The following CMSS1 variants were observed in gnomAD, a reference collection of about 807,000 sequenced individuals.
CMSS1 encodes protein CMSS1.
A neutral mutation model predicts 43.5 loss-of-function variants in CMSS1; 33 were observed. The observed-to-expected ratio is 0.76, with a 90% CI of 0.57 to 1.01. The LOEUF (loss-of-function observed/expected upper bound fraction) is 1.01. CMSS1 is among the 50% of genes least tolerant of loss of function. The pLI is 0.00. For missense variants in CMSS1, 313 were observed against 326.4 expected (o/e 0.96, Z 0.32); for synonymous variants, 115 against 117.2 (o/e 0.98, Z 0.12).
intron 1 of CMSS1, among the ~76,000 whole-genome samples, chr3:100,015,995 T>C (rs562523293): frequency 4.3e-4 from 66 of 152,334 alleles, no homozygotes; most frequent in African/African-American, 1.5e-3. Context: ...CTAAAATATT[T>C]TCATTGCTTT....
At chr3:100,053,313 A>C (rs2065405317) in intron 1 of CMSS1, among the ~76,000 whole-genome samples, 1 of 152,204 alleles carries the variant, frequency 6.6e-6, no homozygotes, top group Non-Finnish European at 1.5e-5. Flanking sequence ...TCAAAGTGTC[A>C]GCAGGGCTAT....
At chr3:99,839,934 C>T (rs1200282570) in intron 1 of CMSS1, among the ~76,000 whole-genome samples, 6 of 152,130 alleles carry the variant, frequency 3.9e-5, no homozygotes, top group African/African-American at 1.4e-4. Context: ...CTTATAGAGT[C>T]ACTTGGTCCA....
At chr3:100,147,933 C>T (rs1365883520) in intron 2 of CMSS1, among the ~76,000 whole-genome samples, 3 of 152,210 alleles carry the variant, frequency 2.0e-5, no homozygotes. Flanking sequence ...ATGCCACTCA[C>T]ATCCATTTGT....
intron 5 of CMSS1, 52 bp downstream of exon 5, chr3:100,166,446 G>A (rs560667459): frequency 7.9e-7 from 1 of 1,265,350 alleles, no homozygotes; most frequent in African/African-American, 1.5e-5. Context: ...TTTTGCTCTG[G>A]TTTTGGGAAT....
intron 1 of CMSS1, among the ~76,000 whole-genome samples, chr3:100,047,388 A>G (rs2065294507): frequency 6.6e-6 from 1 of 151,898 alleles, no homozygotes; most frequent in Non-Finnish European, 1.5e-5. Flanking sequence ...ATTAATGACA[A>G]CTCTCCTCTT....
chr3:99,938,094 C>A (rs573314700), intron 1 of CMSS1, among the ~76,000 whole-genome samples: 1 of 152,046 alleles, frequency 6.6e-6, no homozygotes, highest in South Asian at 2.1e-4. Context: ...CGCGCGCGTG[C>A]ATGCACACTC....
intron 1 of CMSS1, among the ~76,000 whole-genome samples, chr3:99,912,023 T>G (rs1264779329): frequency 6.6e-6 from 1 of 152,216 alleles, no homozygotes; most frequent in Non-Finnish European, 1.5e-5. Context: ...GTTTTAATTT[T>G]TAGAGTGTTA....
In CMSS1 at chr3:100,080,397, C is replaced by G. The variant is rs78230141; in HGVS notation, c.65-66576C>G. Reference sequence around the variant, plus strand: ...ATCCCTTTACAGAGGGTTTCTCAGACTTTAGTGAGCATAACAATCACCCAG... The same window carrying G: ...ATCCCTTTACAGAGGGTTTCTCAGAGTTTAGTGAGCATAACAATCACCCAG... On this transcript the variant is annotated intron_variant, in intron 1 of 9. Transcript: ENST00000421999. Among the ~76,000 whole-genome samples, 17 of 152,262 alleles carry G rather than the reference C, an allele frequency of 1.1e-4. 1 individual carries two copies. In the East Asian group the frequency reaches 3.1e-3, roughly 28 times the overall value.
chr3:100,066,383 G>A (rs76110559), intron 1 of CMSS1, among the ~76,000 whole-genome samples: 2,590 of 152,186 alleles, frequency 0.017, 32 homozygotes, highest in Non-Finnish European at 0.028. Flanking sequence ...AATTCTTATG[G>A]AACTGGATTG....
At chr3:99,916,582 A>G (rs1451736358) in intron 1 of CMSS1, among the ~76,000 whole-genome samples, 3 of 152,140 alleles carry the variant, frequency 2.0e-5, no homozygotes, top group Non-Finnish European at 4.4e-5. Flanking sequence ...GCTGTGCATT[A>G]TATAATTAGT....
chr3:99,923,757 C>T (rs1267016131), intron 1 of CMSS1, among the ~76,000 whole-genome samples: 1 of 152,176 alleles, frequency 6.6e-6, no homozygotes, highest in East Asian at 1.9e-4. Flanking sequence ...TTTCCATTTG[C>T]TCCTTCAGGC....
chr3:100,173,101 A>T (rs1249343801), intron 8 of CMSS1, among the ~76,000 whole-genome samples: 2 of 152,224 alleles, frequency 1.3e-5, no homozygotes, highest in African/African-American at 2.4e-5. Context: ...ATCTAAAAGT[A>T]ATGTGTTCAT....
intron 1 of CMSS1, among the ~76,000 whole-genome samples, chr3:100,080,616 G>A (rs897939000): frequency 2.0e-5 from 3 of 152,234 alleles, no homozygotes; most frequent in Non-Finnish European, 4.4e-5. Context: ...TAGGTATGAA[G>A]GAGTGATGCC....
intron 1 of CMSS1, among the ~76,000 whole-genome samples, chr3:99,953,551 T>A (rs951185908): frequency 2.0e-5 from 3 of 152,164 alleles, no homozygotes; most frequent in Admixed American, 6.5e-5. Context: ...TACCTTTGAA[T>A]GGGGTCCTAA....
intron 8 of CMSS1, among the ~76,000 whole-genome samples, chr3:100,173,399 G>A (rs1203507977): frequency 6.6e-6 from 1 of 152,080 alleles, no homozygotes; most frequent in Non-Finnish European, 1.5e-5. Context: ...TTTTTTATGA[G>A]AGAGAACTGA....
intron 1 of CMSS1, among the ~76,000 whole-genome samples, chr3:99,908,111 G>A (rs1014125602): frequency 3.9e-5 from 6 of 152,108 alleles, no homozygotes; most frequent in East Asian, 1.9e-4. Context: ...GTTCTAACTC[G>A]GCAGTTCTGA....
chr3:100,086,585 A>T (rs933580899), intron 1 of CMSS1, among the ~76,000 whole-genome samples: 1 of 152,230 alleles, frequency 6.6e-6, no homozygotes, highest in Non-Finnish European at 1.5e-5. Flanking sequence ...TTTATTACCC[A>T]CCAGGCTAAC....
chr3:99,888,596 G>A (rs1705983373), intron 1 of CMSS1, among the ~76,000 whole-genome samples: 1 of 152,052 alleles, frequency 6.6e-6, no homozygotes, highest in East Asian at 1.9e-4. Context: ...AATAGAGAGA[G>A]GCTCTTTATG....
intron 1 of CMSS1, among the ~76,000 whole-genome samples, chr3:100,073,782 C>T (rs1470414780): frequency 1.3e-5 from 2 of 152,132 alleles, no homozygotes; most frequent in African/African-American, 4.8e-5. Context: ...TGTTTGATTC[C>T]TCTGTGGGTC....
Sources: gnomAD v4.1 joint callset for allele counts (sites outside exome capture counted in the v4.1 genomes callset) on GRCh38, gnomAD v4.1.1 for gene constraint, MANE v1.5 for transcripts, NCBI Gene and HGNC (gene_info 2026-07-23, HGNC 2026-07-21) for gene names.